Variants in KCNAB2 observed in about 807,000 individuals in gnomAD.
KCNAB2 encodes the protein potassium voltage-gated channel subfamily A regulatory beta subunit 2, also known as voltage-gated potassium channel subunit beta-2.
Under a neutral mutation model 63.6 loss-of-function variants are expected in KCNAB2, and 29 were observed. The observed-to-expected ratio is 0.46, with a 90% confidence interval of 0.34 to 0.62. The LOEUF is 0.62. Ranked by LOEUF, KCNAB2 falls within the 20% of genes least tolerant of loss-of-function variation. The probability of loss-of-function intolerance (pLI) is 0.01; values close to 1 mark genes in which losing one functional copy is unlikely to be tolerated. For synonymous variants in KCNAB2, 222 were observed against 224.2 expected, an observed-to-expected ratio of 0.99 and a Z score of 0.09; for missense variants, 359 against 563.9, an observed-to-expected ratio of 0.64 and a Z score of 3.68.
intron 1 of KCNAB2, among the ~76,000 whole-genome samples, chr1:6,004,497 G>A (rs1352408098): frequency 6.6e-6 from 1 of 152,078 alleles, no homozygotes; most frequent in Non-Finnish European, 1.5e-5. Flanking sequence ...GGTTCCCTCT[G>A]GAGACCGAGG....
intron 10 of KCNAB2, among the ~76,000 whole-genome samples, chr1:6,093,172 A>G (rs1262905205): frequency 1.3e-5 from 2 of 152,230 alleles, no homozygotes; most frequent in African/African-American, 2.4e-5. Flanking sequence ...GCTTCCACGC[A>G]GCATGGGCAA....
intron 1 of KCNAB2, among the ~76,000 whole-genome samples, chr1:5,996,970 C>G (rs1656975408): frequency 6.6e-6 from 1 of 152,202 alleles, no homozygotes; most frequent in Non-Finnish European, 1.5e-5. Context: ...TGGGCTGTTT[C>G]CCTGCCAGAG....
chr1:6,092,761 T>A lies in KCNAB2; in HGVS notation c.646+1454T>A, dbSNP rs1375090491. 3.2e-4 allele frequency among the ~76,000 whole-genome samples: 49 copies of A among 152,124 alleles called. 1 individual carries two copies. Among genetic ancestry groups the A allele is most frequent in the Non-Finnish European group, 1.0e-4 (7 of 68,010 alleles). On this transcript the variant is annotated intron_variant, in intron 10 of 15. Transcript: ENST00000378083. ...GGCCCAGGGAGGTGGCCCAGAGAGT[T>A]CAGACTCCCTCCCAGATCTCCACCC...
chr1:6,003,778 T>C lies in KCNAB2; in HGVS notation c.-53+10990T>C, dbSNP rs567627957. Among the ~76,000 whole-genome samples the C allele has an allele frequency of 6.6e-6, 1 of 152,274 alleles. No homozygotes were observed. Among genetic ancestry groups the C allele is most frequent in the South Asian group, 2.1e-4 (1 of 4,822 alleles). On this transcript the variant is annotated intron_variant, in intron 1 of 16. Transcript: ENST00000341524. The surrounding 1 kb of genome is among the most constrained non-coding windows in gnomAD (Gnocchi z 4.1). ...CGTTTCACCGCAACCTCGCCAGCAA[T>C]GAGTATTTTCATTTAAAAATGTTTT...
At chr1:6,057,044 G>T (rs575983145) in intron 2 of KCNAB2, among the ~76,000 whole-genome samples, 16 of 151,702 alleles carry the variant, frequency 1.1e-4, no homozygotes, top group Middle Eastern at 3.4e-3. Context: ...TGTGAGTTTA[G>T]GTCGGAAGGC....
upstream of KCNAB2, among the ~76,000 whole-genome samples, chr1:6,030,665 G>A (rs111068800): frequency 3.6e-3 from 4 of 1,110 alleles, no homozygotes; most frequent in East Asian, 0.038. Context: ...GTACGTGTAT[G>A]GGGTGTGTGT....
chr1:6,073,622 G>A lies in KCNAB2; in HGVS notation c.263-111G>A, dbSNP rs1663411614. 3.1e-6 allele frequency: 3 copies of A among 970,668 alleles called. No individual in the cohort carries two copies. The highest frequency in any genetic ancestry group is 3.4e-5 in the Admixed American group (2 of 58,586). 60.1% of individuals were successfully genotyped at this position (970,668 alleles called of 1,614,324 possible). A position where few individuals can be genotyped will look rare whatever the true frequency, so the allele number is the denominator to read the frequency against. ...GACACCCTGGCCACAGAGCAGCACAGAGGGACACCTGTGGCTGCCCCCTGT... is the reference window on the plus strand; with the variant it reads ...GACACCCTGGCCACAGAGCAGCACAAAGGGACACCTGTGGCTGCCCCCTGT... On this transcript the variant is annotated intron_variant, in intron 3 of 15. Coordinates refer to ENST00000378083, the MANE Select transcript of KCNAB2 (RefSeq NM_001199862.2). This position sits in a 1 kb window ranked among gnomAD's most constrained non-coding sequence, Gnocchi z 5.7.
rs200509611 is a variant in KCNAB2 at position 6,085,172 on chromosome 1, C to T, written c.381-32C>T. On this transcript the variant is annotated intron_variant, in intron 5 of 15. Coordinates refer to ENST00000378083, the MANE Select transcript of KCNAB2 (RefSeq NM_001199862.2). ...GTCTGGGTTTGATTTTTCTGTTTGG[C>T]TGTGATGAGAGCTCGGTGTCTTGTT... 60 of 1,612,842 alleles carry T rather than the reference C, an allele frequency of 3.7e-5. No individual in the cohort carries two copies. The East Asian group carries it at 7.4e-4, about 20-fold the overall frequency.
intron 1 of KCNAB2, among the ~76,000 whole-genome samples, chr1:6,001,571 T>C (rs905416338): frequency 1.2e-4 from 19 of 152,084 alleles, no homozygotes; most frequent in Admixed American, 3.9e-4. Context: ...GATACACCCA[T>C]GGGGGTGGGT....
At chr1:6,090,551 C>T (rs1665101828) in intron 9 of KCNAB2, 76 bp downstream of exon 9, 7 of 1,154,644 alleles carry the variant, frequency 6.1e-6, no homozygotes, top group South Asian at 2.6e-5. Context: ...TTGTAGAGGC[C>T]GCCAGCATGG....
At chr1:6,017,329 C>T (rs1444696111) in intron 1 of KCNAB2, among the ~76,000 whole-genome samples, 3 of 152,144 alleles carry the variant, frequency 2.0e-5, no homozygotes, top group Non-Finnish European at 2.9e-5. Context: ...TAGCTCACTG[C>T]AACCTGAGGC....
At chr1:6,068,992 G>A (rs765953677) in intron 2 of KCNAB2, among the ~76,000 whole-genome samples, 1 of 152,192 alleles carries the variant, frequency 6.6e-6, no homozygotes, top group Non-Finnish European at 1.5e-5. Context: ...CCAGCACTTG[G>A]TCCCGAGAGT....
chr1:6,001,296 CCACACACACACACACACACA>C (rs56828069), intron 1 of KCNAB2, among the ~76,000 whole-genome samples: 2 of 146,956 alleles, frequency 1.4e-5, no homozygotes, highest in Non-Finnish European at 3.0e-5. Flanking sequence ...CATGTGATCA[CCACACACACACACACACACA>C]CACACACACA....
chr1:6,030,947 T>TG (rs397979003), upstream of KCNAB2, among the ~76,000 whole-genome samples: 1 of 151,424 alleles, frequency 6.6e-6, no homozygotes, highest in South Asian at 2.1e-4. Flanking sequence ...TGTGTGTGTG[T>TG]TGGGAGAGGC....
At chr1:6,066,349 C>T (rs1662751875) in intron 2 of KCNAB2, among the ~76,000 whole-genome samples, 1 of 152,184 alleles carries the variant, frequency 6.6e-6, no homozygotes, top group African/African-American at 2.4e-5. Context: ...TCCTCACTTT[C>T]GAGAGCGCAT....
intron 1 of KCNAB2, among the ~76,000 whole-genome samples, chr1:6,048,550 C>T (rs1337196697): frequency 2.6e-5 from 4 of 152,216 alleles, no homozygotes; most frequent in African/African-American, 4.8e-5. Flanking sequence ...CCTCCAGCCC[C>T]GGGGCCTTGG....
intron 11 of KCNAB2, 48 bp from the exon 12 acceptor site, chr1:6,095,275 C>T (rs765788805): frequency 7.7e-6 from 12 of 1,557,392 alleles, no homozygotes; most frequent in Middle Eastern, 2.1e-4. Flanking sequence ...GGCAGCCTCC[C>T]GCCTGCTCAC....
At chr1:6,025,776 C>G (rs1257184034) in intron 1 of KCNAB2, among the ~76,000 whole-genome samples, 2 of 152,166 alleles carry the variant, frequency 1.3e-5, no homozygotes, top group African/African-American at 4.8e-5. Context: ...CAGCAGTACC[C>G]CTTCCCAGGG....
intron 1 of KCNAB2, among the ~76,000 whole-genome samples, chr1:5,995,427 G>A (rs1357362121): frequency 6.6e-6 from 1 of 152,238 alleles, no homozygotes; most frequent in African/African-American, 2.4e-5. Flanking sequence ...GCACCCCGAG[G>A]ACATGACCGG....
Sources: gnomAD v4.1 joint callset for allele counts (sites outside exome capture counted in the v4.1 genomes callset) on GRCh38, gnomAD v4.1.1 for gene constraint, Gnocchi (gnomAD v3.1) non-coding constraint, MANE v1.5 for transcripts, NCBI Gene and HGNC (gene_info 2026-07-23, HGNC 2026-07-21) for gene names.